MAD1L1: variants seen among roughly 807,000 people sequenced by gnomAD.
MAD1L1 encodes mitotic arrest deficient 1 like 1.
A neutral mutation model predicts 96.9 loss-of-function variants in MAD1L1; 95 were observed. That is an observed-to-expected ratio of 0.98 (90% CI 0.83 to 1.16). The LOEUF is 1.16. MAD1L1 is among the 50% of genes most tolerant of loss of function. The pLI is 0.00. For synonymous variants in MAD1L1, 473 were observed against 396.6 expected, an observed-to-expected ratio of 1.19 and a Z score of -2.29; for missense variants, 1,007 against 954.4, an observed-to-expected ratio of 1.06 and a Z score of -0.73.
intron 17 of MAD1L1, among the ~76,000 whole-genome samples, chr7:1,921,067 G>A (rs1788761771): frequency 6.6e-6 from 1 of 152,140 alleles, no homozygotes; most frequent in Non-Finnish European, 1.5e-5. Flanking sequence ...TGGGGACTCA[G>A]GACCCCTGCC....
Position 1,986,929 on chromosome 7 carries a change from C to T in MAD1L1, c.1417-6388G>A, listed in dbSNP as rs138425443. Among the ~76,000 whole-genome samples, 821 of 152,118 alleles carry T rather than the reference C, an allele frequency of 5.4e-3. 13 individuals carry two copies. The highest frequency in any genetic ancestry group is 0.019 in the African/African-American group (786 of 41,456). On this transcript the variant is annotated intron_variant, in intron 14 of 18. Coordinates refer to ENST00000265854, the MANE Select transcript of MAD1L1 (RefSeq NM_001013836.2). ...GTGCCCGACACCCCCAGCCATGCTG[C>T]AGGTCCTCCACCCACCCTGCACCTC...
chr7:2,211,346 C>A (rs973446291), intron 10 of MAD1L1, among the ~76,000 whole-genome samples: 1 of 152,342 alleles, frequency 6.6e-6, no homozygotes, highest in African/African-American at 2.4e-5. Flanking sequence ...CATGCCCAGG[C>A]AGGGCGCTCA....
chr7:2,202,443 C>T (rs1477777403), intron 10 of MAD1L1, among the ~76,000 whole-genome samples: 3 of 152,198 alleles, frequency 2.0e-5, no homozygotes, highest in Non-Finnish European at 2.9e-5. Context: ...ACACCACAGA[C>T]GCACAGGCCT....
At chr7:1,858,590 G>A (rs566527512) in intron 18 of MAD1L1, among the ~76,000 whole-genome samples, 69 of 152,224 alleles carry the variant, frequency 4.5e-4, no homozygotes, top group Non-Finnish European at 4.3e-4. Flanking sequence ...GCACCAGGAC[G>A]CCCGCGGTGC....
chr7:2,117,263 C>A (rs1021965056), intron 11 of MAD1L1, among the ~76,000 whole-genome samples: 1 of 152,230 alleles, frequency 6.6e-6, no homozygotes, highest in East Asian at 1.9e-4. Flanking sequence ...CCAAGGGCAC[C>A]TTCCCAAGCC....
chr7:1,981,352 C>A (rs867531024), intron 14 of MAD1L1, among the ~76,000 whole-genome samples: 2 of 152,128 alleles, frequency 1.3e-5, no homozygotes, highest in African/African-American at 4.8e-5. Flanking sequence ...GGAGCCAGAA[C>A]GGACTGCGGG....
chr7:2,158,028 C>T lies in MAD1L1; in HGVS notation c.987-8790G>A, dbSNP rs115594495. On this transcript the variant is annotated intron_variant, in intron 10 of 18. Transcript: ENST00000265854. ...CAGGAGCCTCAGCTCGGAGATGACA[C>T]GGCAGTGACAGTTCCAACTGCAGTC... Among the ~76,000 whole-genome samples, 1,225 of 152,330 alleles carry T rather than the reference C, an allele frequency of 8.0e-3. 16 individuals carry two copies. Among genetic ancestry groups the T allele is most frequent in the African/African-American group, 0.028 (1,148 of 41,568 alleles).
intron 18 of MAD1L1, among the ~76,000 whole-genome samples, chr7:1,872,937 C>T (rs1410947103): frequency 1.3e-5 from 2 of 152,196 alleles, no homozygotes; most frequent in African/African-American, 4.8e-5. Context: ...GGAGAGAAAG[C>T]CGGAAACTGT....
intron 11 of MAD1L1, among the ~76,000 whole-genome samples, chr7:2,130,480 G>C (rs1788460818): frequency 6.6e-6 from 1 of 152,156 alleles, no homozygotes; most frequent in South Asian, 2.1e-4. Flanking sequence ...GCAGGTCTGG[G>C]AAAGGAGACC....
At chr7:1,932,003 C>A (rs150472192) in intron 17 of MAD1L1, among the ~76,000 whole-genome samples, 16 of 152,314 alleles carry the variant, frequency 1.1e-4, no homozygotes, top group African/African-American at 3.6e-4. Flanking sequence ...AAAGAGTGAC[C>A]CAGGGACCTG....
chr7:1,962,788 C>A (rs537450871), intron 15 of MAD1L1, among the ~76,000 whole-genome samples: 1 of 152,196 alleles, frequency 6.6e-6, no homozygotes, highest in East Asian at 1.9e-4. Context: ...AAATGAAAAC[C>A]TTTAAAAAAC....
At chr7:2,135,782 G>C (rs1262856279) in intron 11 of MAD1L1, among the ~76,000 whole-genome samples, 1 of 152,224 alleles carries the variant, frequency 6.6e-6, no homozygotes, top group Admixed American at 6.5e-5. Flanking sequence ...CCAGGCCCAA[G>C]GGAAAGTACA....
At chr7:2,206,101 C>A (rs1039182671) in intron 10 of MAD1L1, among the ~76,000 whole-genome samples, 5 of 152,182 alleles carry the variant, frequency 3.3e-5, no homozygotes, top group African/African-American at 1.2e-4. Context: ...CACTATACTC[C>A]AGCCTGGGCG....
At chr7:1,978,081 C>T (rs1212717237) in intron 15 of MAD1L1, among the ~76,000 whole-genome samples, 3 of 152,262 alleles carry the variant, frequency 2.0e-5, no homozygotes, top group Non-Finnish European at 2.9e-5. Context: ...CCCCCTGCGC[C>T]CGCGTGCCTC....
chr7:1,869,034 G>A lies in MAD1L1; in HGVS notation c.1998+29166C>T, dbSNP rs371148748. 2.0e-5 allele frequency among the ~76,000 whole-genome samples: 3 copies of A among 152,318 alleles called. No individual in the cohort carries two copies. In the East Asian group the frequency reaches 5.8e-4, roughly 29 times the overall value. On this transcript the variant is annotated intron_variant, in intron 18 of 18. Coordinates refer to ENST00000265854, the MANE Select transcript of MAD1L1 (RefSeq NM_001013836.2). ...AAGGCAGGCTCTGGCTCGGCAGGCT[G>A]GGGTGGGGCCCGAATGGCACCGACG...
chr7:2,063,751 G>A (rs980141652), intron 12 of MAD1L1, among the ~76,000 whole-genome samples: 11 of 152,224 alleles, frequency 7.2e-5, no homozygotes, highest in Non-Finnish European at 1.2e-4. Context: ...CACCACACCC[G>A]CCTTTGTCAT....
intron 11 of MAD1L1, among the ~76,000 whole-genome samples, chr7:2,087,234 C>G (rs1430353467): frequency 1.3e-5 from 2 of 152,138 alleles, no homozygotes; most frequent in Admixed American, 6.6e-5. Context: ...GTGAATTTTA[C>G]TACCAATAAA....
chr7:2,191,351 A>C (rs1257790635), intron 10 of MAD1L1, among the ~76,000 whole-genome samples: 1 of 152,230 alleles, frequency 6.6e-6, no homozygotes, highest in African/African-American at 2.4e-5. Context: ...GGGATTTCTC[A>C]AAGAACAGGA....
chr7:2,121,472 G>A (rs948978330), intron 11 of MAD1L1, among the ~76,000 whole-genome samples: 6 of 152,224 alleles, frequency 3.9e-5, no homozygotes, highest in Admixed American at 1.3e-4. Flanking sequence ...ACAGAGTCCC[G>A]GTGGCCAGAG....
Sources: gnomAD v4.1 joint callset for allele counts (sites outside exome capture counted in the v4.1 genomes callset) on GRCh38, gnomAD v4.1.1 for gene constraint, MANE v1.5 for transcripts, NCBI Gene and HGNC (gene_info 2026-07-23, HGNC 2026-07-21) for gene names.